CDH3: variants seen among roughly 807,000 people sequenced by gnomAD.
CDH3 encodes the protein cadherin-3.
In CDH3, 54 loss-of-function variants were observed where a neutral mutation model predicts 82.0. That is an observed-to-expected ratio of 0.66 (90% CI 0.53 to 0.83). The LOEUF is 0.83. Among genes scored for constraint, CDH3 ranks in the 40% least tolerant of loss-of-function variants. The probability of loss-of-function intolerance (pLI) is 0.00; values close to 1 mark genes in which losing one functional copy is unlikely to be tolerated. For synonymous variants in CDH3, 446 were observed against 437.9 expected (o/e 1.02, Z -0.23); for missense variants, 1,054 against 1,084.6 (o/e 0.97, Z 0.40).
At chr16:68,719,820 A>T (rs1962142171) in intron 1 of CDH3, among the ~76,000 whole-genome samples, 1 of 151,996 alleles carries the variant, frequency 6.6e-6, no homozygotes, top group Non-Finnish European at 1.5e-5. Context: ...CTACATCTTG[A>T]TTATAGTGGT....
chr16:68,656,371 CTCATT>C (rs1166902633), intron 2 of CDH3, among the ~76,000 whole-genome samples: 2 of 152,170 alleles, frequency 1.3e-5, no homozygotes, highest in Non-Finnish European at 2.9e-5. Flanking sequence ...TTGCCTTTTT[CTCATT>C]TCATTTAGTC....
intron 2 of CDH3, among the ~76,000 whole-genome samples, chr16:68,654,311 G>A (rs1269372164): frequency 6.8e-6 from 1 of 146,172 alleles, no homozygotes; most frequent in Admixed American, 6.8e-5. Flanking sequence ...TACCCGCCTT[G>A]GCCTCCCAAA....
rs1208885359 is a variant in CDH3, at chr16:68,698,459, C to T, written c.*59C>T. ...AGGCCACAGAGCATCTCCAAGGGGTCTCAGTTCCCCCTTCAGCTGAGGACT... is the reference window on the plus strand; with the variant it reads ...AGGCCACAGAGCATCTCCAAGGGGTTTCAGTTCCCCCTTCAGCTGAGGACT... On this transcript the variant is annotated 3_prime_UTR_variant, in exon 16 of 16. Coordinates refer to ENST00000264012, the MANE Select transcript of CDH3 (RefSeq NM_001793.6). The T allele has an allele frequency of 1.3e-5, 20 of 1,485,318 alleles. 1 individual carries two copies. In the East Asian group the frequency reaches 2.0e-4, roughly 15 times the overall value. The allele number at this position is 1,485,318 out of a possible 1,614,324, so 92.0% of individuals were successfully genotyped here.
chr16:68,729,918 G>T (rs1413883187), downstream of CDH3, among the ~76,000 whole-genome samples: 1 of 152,120 alleles, frequency 6.6e-6, no homozygotes, highest in Non-Finnish European at 1.5e-5. Flanking sequence ...ACAGGTGTGA[G>T]CCATCACGCC....
In CDH3 at chr16:68,722,497, C is replaced by G. The variant is rs111613050; in HGVS notation, c.172C>G (p.Pro58Ala). ...CGGCTACAGTCTGGATCCAGCCTGG[C>G]CAGTTCCACCTTTCCCACCTACAAC... The change falls in exon 2 of 3, where the codon CCA (proline) becomes GCA (alanine). Residue 58 changes from proline to alanine, a missense_variant. Physicochemically the swap from Pro to Ala is conservative, Grantham distance 27 (BLOSUM62 -1). Coordinates refer to the CDH3 transcript ENST00000569080. The G allele has an allele frequency of 4.7e-3, 722 of 152,416 alleles. 4 individuals are homozygous for G. Among genetic ancestry groups the G allele is most frequent in the Non-Finnish European group, 7.8e-3 (531 of 68,126 alleles). The allele number at this position is 152,416 out of a possible 1,614,324, so 9.4% of individuals were successfully genotyped here.
At chr16:68,667,777 G>A (rs1960777316) in intron 2 of CDH3, among the ~76,000 whole-genome samples, 1 of 152,206 alleles carries the variant, frequency 6.6e-6, no homozygotes, top group African/African-American at 2.4e-5. Flanking sequence ...CCGAGGCCAG[G>A]CTTGGCAGGA....
At chr16:68,705,103 C>A (rs79433459), downstream of CDH3, among the ~76,000 whole-genome samples, 14,448 of 152,156 alleles carry the variant, frequency 0.095, 732 homozygotes, top group Middle Eastern at 0.13. Flanking sequence ...TGGCCACATA[C>A]GATCAGGAAG....
rs1210510559 is a variant in CDH3 at position 68,682,310 on chromosome 16, C to G, written c.1005C>G (p.Ala335=). ...APMFDPQKYE[A]HVPENAVGHE... ...GCTTCTCACACTGACAGTACGAGGC[C>G]CATGTGCCTGAGAATGCAGTGGGCC... The change falls in exon 9 of 16, where the codon GCC becomes GCG. Residue 335 remains alanine (A), a synonymous_variant. Transcript: ENST00000264012. The G allele has an allele frequency of 6.2e-7, 1 of 1,613,614 alleles. No homozygotes were observed. Among genetic ancestry groups the G allele is most frequent in the Non-Finnish European group, 8.5e-7 (1 of 1,179,976 alleles).
chr16:68,691,631 G>A (rs1159570187), intron 12 of CDH3, 89 bp from the exon 13 acceptor site: 49 of 989,050 alleles, frequency 5.0e-5, no homozygotes, highest in Non-Finnish European at 7.6e-5. Flanking sequence ...GCCCACATGT[G>A]GAAGCCGTAT....
downstream of CDH3, among the ~76,000 whole-genome samples, chr16:68,701,694 T>G (rs1961897347): frequency 6.6e-6 from 1 of 151,756 alleles, no homozygotes; most frequent in South Asian, 2.1e-4. Flanking sequence ...TACAGGCGCC[T>G]GCCACTATGC....
intron 2 of CDH3, among the ~76,000 whole-genome samples, chr16:68,665,038 T>G (rs770180595): frequency 1.3e-5 from 2 of 152,226 alleles, no homozygotes; most frequent in East Asian, 3.8e-4. Flanking sequence ...GGATTCTGAA[T>G]GGCCTTCACC....
At chr16:68,647,053 T>C (rs549367911) in intron 2 of CDH3, among the ~76,000 whole-genome samples, 1 of 152,128 alleles carries the variant, frequency 6.6e-6, no homozygotes, top group Non-Finnish European at 1.5e-5. Flanking sequence ...CCTTAAACCC[T>C]TGGCTGTAGG....
At chr16:68,657,919 C>T (rs917864924) in intron 2 of CDH3, among the ~76,000 whole-genome samples, 1 of 152,180 alleles carries the variant, frequency 6.6e-6, no homozygotes, top group Non-Finnish European at 1.5e-5. Flanking sequence ...AGTTCTTACT[C>T]TAGGGTCTCA....
intron 1 of CDH3, among the ~76,000 whole-genome samples, chr16:68,718,074 A>G (rs1040839964): frequency 6.6e-6 from 1 of 152,026 alleles, no homozygotes; most frequent in African/African-American, 2.4e-5. Flanking sequence ...CAGTGGCACA[A>G]TCATGGCTCA....
chr16:68,677,005 T>C (rs1961052189), intron 3 of CDH3, among the ~76,000 whole-genome samples: 1 of 152,248 alleles, frequency 6.6e-6, no homozygotes, highest in South Asian at 2.1e-4. Context: ...CTTCACGCAG[T>C]TAACCACTGT....
chr16:68,693,922 G>A (rs932738504), intron 13 of CDH3, among the ~76,000 whole-genome samples: 1 of 152,132 alleles, frequency 6.6e-6, no homozygotes, highest in Non-Finnish European at 1.5e-5. Context: ...TAGCCTGCCA[G>A]CCTTTCAGAC....
intron 11 of CDH3, among the ~76,000 whole-genome samples, chr16:68,686,130 A>G (rs1204611120): frequency 1.3e-5 from 2 of 152,282 alleles, no homozygotes; most frequent in Non-Finnish European, 2.9e-5. Context: ...AGCCTGGCCA[A>G]CATGGCAAAA....
At chr16:68,691,653 C>A (rs985265928) in intron 12 of CDH3, 67 bp from the exon 13 acceptor site, 1 of 1,262,646 alleles carries the variant, frequency 7.9e-7, no homozygotes, top group African/African-American at 1.5e-5. Flanking sequence ...CTCAAACTTT[C>A]TTCATGGTGT....
downstream of CDH3, among the ~76,000 whole-genome samples, chr16:68,731,493 TATATATATACACACACACATATAC>T (rs1448265350): frequency 9.9e-5 from 2 of 20,132 alleles, no homozygotes; most frequent in African/African-American, 2.9e-4. Context: ...TATATACACA[TATATATATACACACACACATATAC>T]ACACACACAC....
Sources: allele counts gnomAD v4.1 joint callset (sites outside exome capture counted in the v4.1 genomes callset), GRCh38; gene constraint gnomAD v4.1.1; transcripts MANE v1.5; gene names NCBI Gene and HGNC (gene_info 2026-07-23, HGNC 2026-07-21).